The following ITPR1 variants were observed in gnomAD, a reference collection of about 807,000 sequenced individuals.
ITPR1 encodes the protein inositol 1,4,5-trisphosphate receptor type 1.
Under a neutral mutation model 318.4 loss-of-function variants are expected in ITPR1, and 96 were observed. The observed-to-expected ratio is 0.30, with a 90% CI of 0.26 to 0.36. ITPR1 has a LOEUF of 0.36. Ranked by LOEUF, ITPR1 falls within the 10% of genes least tolerant of loss-of-function variation. The pLI is 1.00. For missense variants in ITPR1, 2,440 were observed against 3,460.2 expected, an observed-to-expected ratio of 0.71 and a Z score of 7.40; for synonymous variants, 1,312 against 1,289.9, an observed-to-expected ratio of 1.02 and a Z score of -0.37.
intron 4 of ITPR1, among the ~76,000 whole-genome samples, chr3:4,593,962 G>A (rs963012520): frequency 6.6e-6 from 1 of 152,216 alleles, no homozygotes; most frequent in Non-Finnish European, 1.5e-5. Flanking sequence ...CTACTGGAGA[G>A]CTGAGATAAT....
intron 34 of ITPR1, among the ~76,000 whole-genome samples, chr3:4,698,927 C>G (rs76456182): frequency 1.3e-5 from 2 of 152,150 alleles, no homozygotes; most frequent in Non-Finnish European, 1.5e-5. Context: ...AAGCAGAGTA[C>G]GGGTGAAATC....
At chr3:4,628,687 T>G (rs552291257) in intron 5 of ITPR1, among the ~76,000 whole-genome samples, 10 of 152,340 alleles carry the variant, frequency 6.6e-5, no homozygotes, top group Admixed American at 5.2e-4. Flanking sequence ...CTCCCTCCTC[T>G]GGCATGTGAG....
chr3:4,583,661 A>G (rs1236196948), intron 4 of ITPR1, among the ~76,000 whole-genome samples: 2 of 152,130 alleles, frequency 1.3e-5, no homozygotes, highest in Non-Finnish European at 2.9e-5. Flanking sequence ...TTATTTGGTA[A>G]AGCTGCGGGG....
intron 4 of ITPR1, among the ~76,000 whole-genome samples, chr3:4,553,544 C>T (rs947484967): frequency 6.6e-6 from 1 of 151,994 alleles, no homozygotes; most frequent in Admixed American, 6.6e-5. Flanking sequence ...AGTCCTCCCA[C>T]CTCAGCCTCC....
intron 4 of ITPR1, among the ~76,000 whole-genome samples, chr3:4,595,113 A>C (rs2090697899): frequency 6.6e-6 from 1 of 152,208 alleles, no homozygotes; most frequent in South Asian, 2.1e-4. Context: ...TGCTGAGTCA[A>C]GTATCATAAT....
intron 44 of ITPR1, among the ~76,000 whole-genome samples, chr3:4,739,979 C>G (rs1452226905): frequency 6.6e-6 from 1 of 152,146 alleles, no homozygotes; most frequent in Non-Finnish European, 1.5e-5. Context: ...TTTCAAGAAG[C>G]AGGAAGTGGA....
intron 2 of ITPR1, among the ~76,000 whole-genome samples, chr3:4,507,256 G>A (rs983516377): frequency 1.3e-5 from 2 of 152,120 alleles, no homozygotes; most frequent in South Asian, 2.1e-4. Flanking sequence ...GAGAGACTGA[G>A]TGAAAATGAA....
chr3:4,666,934 A>G, intron 17 of ITPR1, among the ~76,000 whole-genome samples: 1 of 152,224 alleles, frequency 6.6e-6, no homozygotes, highest in East Asian at 1.9e-4. Flanking sequence ...TACCACAAAT[A>G]AAGGAAATGA....
chr3:4,545,759 G>A (rs1020151051), intron 4 of ITPR1, among the ~76,000 whole-genome samples: 5 of 146,006 alleles, frequency 3.4e-5, no homozygotes, highest in Admixed American at 6.9e-5. Context: ...GTGCAGTGGC[G>A]TGATCCAGGC....
intron 44 of ITPR1, among the ~76,000 whole-genome samples, chr3:4,760,169 C>T (rs1459744703): frequency 6.6e-6 from 1 of 152,262 alleles, no homozygotes; most frequent in Non-Finnish European, 1.5e-5. Flanking sequence ...CCCCAGCTCT[C>T]TCATCTATAA....
chr3:4,726,677 G>T (rs1387129716), intron 41 of ITPR1, among the ~76,000 whole-genome samples: 1 of 152,164 alleles, frequency 6.6e-6, no homozygotes, highest in Non-Finnish European at 1.5e-5. Context: ...TACTTGTGGG[G>T]TGGGGAAAGC....
At chr3:4,697,315 G>GT in intron 34 of ITPR1, 43 bp downstream of exon 34, 1 of 863,060 alleles carries the variant, frequency 1.2e-6, no homozygotes. Context: ...GAGAGTGAGA[G>GT]GTGTGTGTGT....
chr3:4,656,668 T>A (rs1166364155), intron 12 of ITPR1, among the ~76,000 whole-genome samples: 1 of 152,092 alleles, frequency 6.6e-6, no homozygotes, highest in Non-Finnish European at 1.5e-5. Flanking sequence ...CCCGTAAGAG[T>A]TAGATTCTCC....
intron 53 of ITPR1, among the ~76,000 whole-genome samples, chr3:4,797,452 T>C (rs2047971287): frequency 6.6e-6 from 1 of 152,316 alleles, no homozygotes; most frequent in South Asian, 2.1e-4. Flanking sequence ...TTATGTGTGC[T>C]GATTTTGTGT....
At chr3:4,754,009 C>T (rs557321365) in intron 44 of ITPR1, among the ~76,000 whole-genome samples, 4 of 146,006 alleles carry the variant, frequency 2.7e-5, no homozygotes, top group Admixed American at 7.0e-5. Context: ...GGATAGAGAT[C>T]GCTTTCACTG....
intron 4 of ITPR1, among the ~76,000 whole-genome samples, chr3:4,590,291 G>A (rs1049351389): frequency 6.6e-6 from 1 of 150,866 alleles, no homozygotes; most frequent in Non-Finnish European, 1.5e-5. Flanking sequence ...AGTTGCATGA[G>A]GACAGAGACC....
intron 4 of ITPR1, among the ~76,000 whole-genome samples, chr3:4,595,438 A>T (rs1388165029): frequency 6.6e-6 from 1 of 152,210 alleles, no homozygotes; most frequent in East Asian, 1.9e-4. Context: ...GAAGCCATTC[A>T]TGAAGGATCC....
intron 16 of ITPR1, among the ~76,000 whole-genome samples, chr3:4,664,172 A>G (rs1438597603): frequency 6.6e-6 from 1 of 152,224 alleles, no homozygotes; most frequent in Non-Finnish European, 1.5e-5. Context: ...GAAGGCCCAT[A>G]TAGGCTCTTA....
intron 4 of ITPR1, among the ~76,000 whole-genome samples, chr3:4,620,680 GTTTTTTT>G (rs66922925): frequency 1.6e-5 from 2 of 128,180 alleles, no homozygotes; most frequent in Non-Finnish European, 3.3e-5. Flanking sequence ...TTCTTTGTGG[GTTTTTTT>G]TTTTTTTTTT....
Sources: allele counts gnomAD v4.1 joint callset (sites outside exome capture counted in the v4.1 genomes callset), GRCh38; gene constraint gnomAD v4.1.1; transcripts MANE v1.5; gene names NCBI Gene and HGNC (gene_info 2026-07-23, HGNC 2026-07-21).